The following COBLL1 variants were observed in gnomAD, a reference collection of about 807,000 sequenced individuals.
COBLL1 encodes the protein cordon-bleu protein-like 1.
Under a neutral mutation model 94.8 loss-of-function variants are expected in COBLL1, and 50 were observed. The observed-to-expected ratio is 0.53, with a 90% CI of 0.42 to 0.67. The LOEUF (loss-of-function observed/expected upper bound fraction) is 0.67. Ranked by LOEUF, COBLL1 falls within the 30% of genes least tolerant of loss-of-function variation. COBLL1 has a pLI of 0.00. For synonymous variants in COBLL1, 448 were observed against 473.8 expected, an observed-to-expected ratio of 0.95 and a Z score of 0.71; for missense variants, 1,362 against 1,348.7, an observed-to-expected ratio of 1.01 and a Z score of -0.15.
intron 2 of COBLL1, among the ~76,000 whole-genome samples, chr2:164,794,218 G>C (rs1347230566): frequency 6.6e-6 from 1 of 152,170 alleles, no homozygotes. Flanking sequence ...ACAGCCTTCT[G>C]ATCTGTATCC....
chr2:164,675,870 C>A (rs942991458), downstream of COBLL1, among the ~76,000 whole-genome samples: 1 of 152,166 alleles, frequency 6.6e-6, no homozygotes, highest in Non-Finnish European at 1.5e-5. Flanking sequence ...TGCTGCCAAG[C>A]AAGGTGCGGT....
intron 2 of COBLL1, among the ~76,000 whole-genome samples, chr2:164,807,761 AATT>A (rs1360668641): frequency 2.6e-5 from 4 of 152,126 alleles, no homozygotes; most frequent in African/African-American, 7.2e-5. Flanking sequence ...AGGATAATTT[AATT>A]ATTATTTCCA....
intron 5 of COBLL1, among the ~76,000 whole-genome samples, chr2:164,726,484 T>A (rs1018280394): frequency 6.6e-6 from 1 of 152,258 alleles, no homozygotes; most frequent in African/African-American, 2.4e-5. Flanking sequence ...ATGCCCATTA[T>A]ATAATTCTGT....
intron 2 of COBLL1, among the ~76,000 whole-genome samples, chr2:164,794,511 G>A (rs1311679064): frequency 6.6e-6 from 1 of 152,038 alleles, no homozygotes; most frequent in African/African-American, 2.4e-5. Flanking sequence ...AATCAGATTA[G>A]GGAAAATGCA....
At chr2:164,737,233 G>A (rs533382727) in intron 3 of COBLL1, among the ~76,000 whole-genome samples, 5 of 152,044 alleles carry the variant, frequency 3.3e-5, no homozygotes, top group East Asian at 3.9e-4. Flanking sequence ...AGGTGTAGAC[G>A]CCAGGAAAGC....
chr2:164,741,208 G>A (rs964139952), intron 3 of COBLL1, among the ~76,000 whole-genome samples: 1 of 152,110 alleles, frequency 6.6e-6, no homozygotes, highest in Admixed American at 6.5e-5. Flanking sequence ...CCCGGGAGGT[G>A]GAGGTTGCCG....
intron 2 of COBLL1, among the ~76,000 whole-genome samples, chr2:164,750,635 G>A (rs1234183439): frequency 6.6e-6 from 1 of 152,124 alleles, no homozygotes; most frequent in Non-Finnish European, 1.5e-5. Flanking sequence ...TATGCCATTA[G>A]GTCAGTGGGG....
At chr2:164,826,687 C>G (rs762674556) in intron 2 of COBLL1, among the ~76,000 whole-genome samples, 1 of 152,208 alleles carries the variant, frequency 6.6e-6, no homozygotes, top group Admixed American at 6.5e-5. Flanking sequence ...CCAAGTGCTG[C>G]TATCTGACTT....
intron 2 of COBLL1, among the ~76,000 whole-genome samples, chr2:164,809,289 T>C (rs574846031): frequency 1.6e-3 from 245 of 152,146 alleles, no homozygotes; most frequent in African/African-American, 5.7e-3. Flanking sequence ...ATTTTAAAAA[T>C]GTCCAACTAC....
chr2:164,704,016 G>A (rs1684453869), intron 9 of COBLL1, among the ~76,000 whole-genome samples: 1 of 152,170 alleles, frequency 6.6e-6, no homozygotes, highest in Non-Finnish European at 1.5e-5. Context: ...TACCATTAGA[G>A]TAGGGTAACT....
At chr2:164,665,804 C>A (rs1035207526) in intron 2 of COBLL1, 5 of 152,106 alleles carry the variant, frequency 3.3e-5, no homozygotes, top group African/African-American at 9.7e-5. Flanking sequence ...CCTCCAGCAA[C>A]CATAACTATT....
At chr2:164,826,826 C>T (rs2105372942) in intron 2 of COBLL1, among the ~76,000 whole-genome samples, 1 of 152,048 alleles carries the variant, frequency 6.6e-6, no homozygotes, top group South Asian at 2.1e-4. Context: ...ATTAGGCTTA[C>T]TTAAAATGTT....
At chr2:164,726,333 T>A (rs1685723370) in intron 5 of COBLL1, among the ~76,000 whole-genome samples, 1 of 152,170 alleles carries the variant, frequency 6.6e-6, no homozygotes, top group African/African-American at 2.4e-5. Flanking sequence ...ATATGCAGTT[T>A]GTTAAGGCTT....
chr2:164,686,079 AGCTGTCTAAT>A (rs1683270346), intron 13 of COBLL1, 47 bp from the exon 14 acceptor site: 6 of 1,039,838 alleles, frequency 5.8e-6, no homozygotes, highest in Non-Finnish European at 8.5e-6. Flanking sequence ...AAAATGGGAT[AGCTGTCTAAT>A]TTTCAATTTT....
chr2:164,714,380 A>G (rs1685059574), intron 7 of COBLL1, among the ~76,000 whole-genome samples: 1 of 151,886 alleles, frequency 6.6e-6, no homozygotes, highest in Admixed American at 6.6e-5. Flanking sequence ...GAAAAAAAAA[A>G]AAAAAAAAAC....
chr2:164,758,883 C>T (rs1687543737), intron 2 of COBLL1, among the ~76,000 whole-genome samples: 1 of 151,506 alleles, frequency 6.6e-6, no homozygotes, highest in Admixed American at 6.6e-5. Context: ...ACTATACTTG[C>T]TCTCTGAAGC....
chr2:164,757,556 T>A (rs1296762254), intron 2 of COBLL1, among the ~76,000 whole-genome samples: 1 of 150,406 alleles, frequency 6.6e-6, no homozygotes, highest in African/African-American at 2.4e-5. Flanking sequence ...GAATTTTACA[T>A]ATATACACAC....
rs1340855773 is a variant in COBLL1, at chr2:164,694,424, G to C, written c.2968C>G (p.Leu990Val). ...GACTGTGACCTTTTCACTACAGCAA[G>C]AGCAAACGGTGAAGGACCAGAACTT... is the stretch of plus-strand genomic sequence containing the variant. ...YSSSGPSPFA[L>V]AVVKRSQSFS... Residue 990 changes from leucine (L) to valine (V), a missense_variant, in exon 12 of 14, where the codon CTT becomes GTT. Coordinates refer to ENST00000652658, the MANE Select transcript of COBLL1 (RefSeq NM_001365672.2). 2 of 1,613,816 alleles carry C rather than the reference G, an allele frequency of 1.2e-6. No homozygotes were observed. Among genetic ancestry groups the C allele is most frequent in the Non-Finnish European group, 8.5e-7 (1 of 1,179,936 alleles).
At chr2:164,786,417 G>C (rs543367426) in intron 2 of COBLL1, among the ~76,000 whole-genome samples, 43 of 152,260 alleles carry the variant, frequency 2.8e-4, no homozygotes, top group African/African-American at 9.4e-4. Flanking sequence ...GGTGAGCGTT[G>C]ACATGGTCTT....
Sources: gnomAD v4.1 joint callset for allele counts (sites outside exome capture counted in the v4.1 genomes callset) on GRCh38, gnomAD v4.1.1 for gene constraint, MANE v1.5 for transcripts, NCBI Gene and HGNC (gene_info 2026-07-23, HGNC 2026-07-21) for gene names.